Variants in TRAF3IP2 observed in about 807,000 individuals in gnomAD.
TRAF3IP2 encodes TRAF3 interacting protein 2.
TRAF3IP2 carries 35 observed loss-of-function variants against 57.9 expected under a neutral mutation model. The observed-to-expected ratio is 0.60, with a 90% confidence interval of 0.46 to 0.80. The LOEUF is 0.80. Ranked by LOEUF, TRAF3IP2 falls within the 30% of genes least tolerant of loss-of-function variation. TRAF3IP2 has a pLI of 0.00. For synonymous variants in TRAF3IP2, 251 were observed against 268.9 expected, an observed-to-expected ratio of 0.93 and a Z score of 0.65; for missense variants, 556 against 706.4, an observed-to-expected ratio of 0.79 and a Z score of 2.41.
chr6:111,604,325 A>T (rs564382573), intron 1 of TRAF3IP2, among the ~76,000 whole-genome samples: 3 of 152,250 alleles, frequency 2.0e-5, no homozygotes, highest in African/African-American at 7.2e-5. Context: ...TGGTATTAGG[A>T]TGTGTTTCAT....
chr6:111,604,630 G>T (rs747398608), intron 1 of TRAF3IP2, among the ~76,000 whole-genome samples: 1 of 152,182 alleles, frequency 6.6e-6, no homozygotes, highest in Non-Finnish European at 1.5e-5. Context: ...CCAGCCTTTC[G>T]CCCTGACTGC....
intron 1 of TRAF3IP2, among the ~76,000 whole-genome samples, chr6:111,592,471 T>C (rs1166914931): frequency 1.3e-5 from 2 of 152,202 alleles, no homozygotes; most frequent in African/African-American, 2.4e-5. Flanking sequence ...GTAACTGATA[T>C]GGAATGATCT....
At chr6:111,574,711 C>G (rs11153299) in intron 4 of TRAF3IP2, 60,305 of 152,028 alleles carry the variant, frequency 0.4, 13,023 homozygotes, top group East Asian at 0.53. Context: ...TCAATTTACC[C>G]AGGGACAAGT....
chr6:111,556,953 C>G lies in TRAF3IP2; in HGVS notation c.*2452G>C, dbSNP rs1163090702. 2 of 152,128 alleles carry G rather than the reference C, an allele frequency of 1.3e-5. No homozygotes were observed. Among genetic ancestry groups the G allele is most frequent in the Non-Finnish European group, 2.9e-5 (2 of 68,100 alleles). The allele number at this position is 152,128 out of a possible 1,614,324, so 9.4% of individuals were successfully genotyped here. A position where few individuals can be genotyped will look rare whatever the true frequency, so the allele number is the denominator to read the frequency against. ...ACTAGCCTGGACAACATGGCAAAAC[C>G]CTGTCTCTACAAAAAATACAAAAAT... On this transcript the variant is annotated 3_prime_UTR_variant, in exon 9 of 9. Transcript: ENST00000368761.
chr6:111,568,881 C>T (rs1795740996), intron 5 of TRAF3IP2, among the ~76,000 whole-genome samples: 2 of 152,202 alleles, frequency 1.3e-5, no homozygotes, highest in African/African-American at 4.8e-5. Context: ...TCCTCCTCTT[C>T]CTCACTTCAC....
intron 3 of TRAF3IP2, among the ~76,000 whole-genome samples, chr6:111,578,684 T>C (rs1475430473): frequency 6.6e-6 from 1 of 151,982 alleles, no homozygotes; most frequent in Non-Finnish European, 1.5e-5. Flanking sequence ...TGAAAGAAAA[T>C]ATGAGGGTTT....
At chr6:111,583,993 T>C (rs1303720101) in intron 2 of TRAF3IP2, among the ~76,000 whole-genome samples, 1 of 152,208 alleles carries the variant, frequency 6.6e-6, no homozygotes, top group Non-Finnish European at 1.5e-5. Context: ...GAAAGTATCT[T>C]GAGAAGTTTT....
chr6:111,587,307 G>A (rs1280563280), intron 2 of TRAF3IP2, among the ~76,000 whole-genome samples: 4 of 152,056 alleles, frequency 2.6e-5, no homozygotes, highest in African/African-American at 9.7e-5. Flanking sequence ...CCAGGCTGGA[G>A]TGCAGTGGCG....
At chr6:111,593,360 T>G (rs1796578277) in intron 1 of TRAF3IP2, among the ~76,000 whole-genome samples, 1 of 152,242 alleles carries the variant, frequency 6.6e-6, no homozygotes, top group Non-Finnish European at 1.5e-5. Flanking sequence ...ACATAAATTA[T>G]GTTCTAAAAC....
chr6:111,602,389 T>G (rs1469555237), intron 1 of TRAF3IP2: 2 of 151,726 alleles, frequency 1.3e-5, no homozygotes, highest in Non-Finnish European at 2.9e-5. Context: ...TAAGCACATG[T>G]GTGATCCCTA....
Position 111,591,432 on chromosome 6 carries a change from T to C in TRAF3IP2, c.655A>G (p.Thr219Ala). 1.3e-6 allele frequency: 2 copies of C among 1,574,238 alleles called. No individual in the cohort carries two copies. Among genetic ancestry groups the C allele is most frequent in the Non-Finnish European group, 1.7e-6 (2 of 1,159,890 alleles). ...IRQLERPLPL[T>A]SVCYPQDLPR... ...AGGTCCTGGGGGTAACACACGGAGG[T>C]GAGGGGCAGGGGCCTTTCCAGCTGC... Residue 219 changes from threonine (T) to alanine (A), a missense_variant, in exon 2 of 9, where the codon ACC (threonine) becomes GCC (alanine). Thr to Ala is a moderately conservative substitution (Grantham distance 58). Around this residue, in one of 2 missense-constraint regions of TRAF3IP2, gnomAD observed 428 missense variants for 498.7 expected, o/e 0.86. Coordinates refer to ENST00000368761, the MANE Select transcript of TRAF3IP2 (RefSeq NM_147686.4). The surrounding 1 kb of genome is among the most constrained non-coding windows in gnomAD (Gnocchi z 4.9).
Position 111,556,027 on chromosome 6 carries a change from C to T in TRAF3IP2, c.*3378G>A, listed in dbSNP as rs537876196. On this transcript the variant is annotated 3_prime_UTR_variant, in exon 9 of 9. Coordinates refer to ENST00000368761, the MANE Select transcript of TRAF3IP2 (RefSeq NM_147686.4). ...CTGAGGCAGGAGAATCGCTTGAACCCGGGAGGTGGAGGTTGCAGTGAGCTG... is the reference window on the plus strand; with the variant it reads ...CTGAGGCAGGAGAATCGCTTGAACCTGGGAGGTGGAGGTTGCAGTGAGCTG... Among the ~76,000 whole-genome samples the T allele has an allele frequency of 6.6e-6, 1 of 150,964 alleles. No individual in the cohort carries two copies. Among genetic ancestry groups the T allele is most frequent in the Non-Finnish European group, 1.5e-5 (1 of 67,928 alleles).
chr6:111,592,389 T>C (rs927425642), intron 1 of TRAF3IP2, among the ~76,000 whole-genome samples: 2 of 152,202 alleles, frequency 1.3e-5, no homozygotes, highest in Non-Finnish European at 2.9e-5. Context: ...CTGCCAAGTA[T>C]TGAGGAAAGA....
At position 111,581,143 on chromosome 6, in the gene TRAF3IP2, T is replaced by C. The variant is rs148567664; in HGVS notation, c.830-754A>G. 5.3e-3 allele frequency among the ~76,000 whole-genome samples: 806 copies of C among 152,356 alleles called. 12 individuals carry two copies. The highest frequency in any genetic ancestry group is 0.018 in the African/African-American group (733 of 41,586). On this transcript the variant is annotated intron_variant, in intron 2 of 8. Coordinates refer to ENST00000368761, the MANE Select transcript of TRAF3IP2 (RefSeq NM_147686.4). ...TCCCCAGGGAAGGGCAGCCTGCTGC[T>C]GCCAGAGTTAAGCATAGGAGAGACC... is the stretch of plus-strand genomic sequence containing the variant.
chr6:111,601,585 C>A (rs368012361), intron 1 of TRAF3IP2: 1 of 177,896 alleles, frequency 5.6e-6, no homozygotes, highest in Admixed American at 5.9e-5. Context: ...ATTAATAAAC[C>A]ATATTAACAG....
intron 2 of TRAF3IP2, among the ~76,000 whole-genome samples, chr6:111,585,202 A>G (rs752925369): frequency 6.6e-6 from 1 of 152,106 alleles, no homozygotes; most frequent in Non-Finnish European, 1.5e-5. Flanking sequence ...CTTCTTATCC[A>G]TCTCTCCAGT....
chr6:111,605,316 A>AT (rs1360415858), intron 1 of TRAF3IP2, among the ~76,000 whole-genome samples: 1 of 152,104 alleles, frequency 6.6e-6, no homozygotes, highest in Non-Finnish European at 1.5e-5. Flanking sequence ...TGTGCTGTTG[A>AT]TTTTTTTCCC....
chr6:111,596,217 A>T (rs1796687226), intron 1 of TRAF3IP2, among the ~76,000 whole-genome samples: 1 of 152,170 alleles, frequency 6.6e-6, no homozygotes, highest in Admixed American at 6.5e-5. Flanking sequence ...ATATACACAA[A>T]TATCTAATAA....
At chr6:111,595,768 C>T (rs1033110567) in intron 1 of TRAF3IP2, among the ~76,000 whole-genome samples, 5 of 146,752 alleles carry the variant, frequency 3.4e-5, no homozygotes, top group African/African-American at 5.1e-5. Context: ...GCGGAGGTTG[C>T]GGTGAGCCGA....
Sources: allele counts gnomAD v4.1 joint callset (sites outside exome capture counted in the v4.1 genomes callset), GRCh38; gene constraint gnomAD v4.1.1; regional missense constraint gnomAD v4.1.1; non-coding constraint Gnocchi (gnomAD v3.1); transcripts MANE v1.5; gene names NCBI Gene and HGNC (gene_info 2026-07-23, HGNC 2026-07-21).